SHROOM3: variants seen among roughly 807,000 people sequenced by gnomAD.
The protein encoded by SHROOM3 is protein Shroom3.
In SHROOM3, 47 loss-of-function variants were observed where a neutral mutation model predicts 138.6. That is an observed-to-expected ratio of 0.34 (90% CI 0.27 to 0.43). The LOEUF (loss-of-function observed/expected upper bound fraction) is 0.43, where lower values mean the gene tolerates loss of function less well. SHROOM3 is among the 20% of genes least tolerant of loss of function. The pLI is 1.00. For missense variants in SHROOM3, 2,491 were observed against 2,596.5 expected (o/e 0.96, Z 0.88); for synonymous variants, 1,062 against 1,063.3 (o/e 1.00, Z 0.02).
intron 2 of SHROOM3, among the ~76,000 whole-genome samples, chr4:76,594,093 G>C (rs563134039): frequency 1.3e-5 from 2 of 152,294 alleles, no homozygotes; most frequent in South Asian, 4.1e-4. Context: ...CCATTTAACA[G>C]GTTAAACAAT....
chr4:76,545,748 C>T (rs1385911703), intron 1 of SHROOM3, among the ~76,000 whole-genome samples: 1 of 152,204 alleles, frequency 6.6e-6, no homozygotes, highest in African/African-American at 2.4e-5. Context: ...TTTGTTCATG[C>T]AATCCTTACA....
intron 5 of SHROOM3, among the ~76,000 whole-genome samples, chr4:76,746,104 T>C (rs531265143): frequency 6.6e-6 from 1 of 152,294 alleles, no homozygotes; most frequent in South Asian, 2.1e-4. Flanking sequence ...CCCAAGGTAG[T>C]AGAGTGAGGT....
At chr4:76,637,497 C>A (rs1196581906) in intron 2 of SHROOM3, 1 of 152,188 alleles carries the variant, frequency 6.6e-6, no homozygotes, top group Admixed American at 6.5e-5. Flanking sequence ...CTGAATAATT[C>A]ATGCTCCTTT....
chr4:76,463,554 C>A (rs919868092), intron 1 of SHROOM3, among the ~76,000 whole-genome samples: 3 of 152,088 alleles, frequency 2.0e-5, no homozygotes, highest in Non-Finnish European at 2.9e-5. Flanking sequence ...AAGGAGGAGC[C>A]CAATGTTAAT....
At chr4:76,699,324 C>A (rs758297930) in intron 2 of SHROOM3, among the ~76,000 whole-genome samples, 1 of 152,172 alleles carries the variant, frequency 6.6e-6, no homozygotes, top group Non-Finnish European at 1.5e-5. Context: ...GATGTAGGTA[C>A]GCAGATCATG....
At chr4:76,485,776 A>G (rs1406850503) in intron 1 of SHROOM3, among the ~76,000 whole-genome samples, 1 of 152,158 alleles carries the variant, frequency 6.6e-6, no homozygotes, top group Non-Finnish European at 1.5e-5. Flanking sequence ...TTTATTGCTT[A>G]TGTAGGGTTG....
intron 2 of SHROOM3, among the ~76,000 whole-genome samples, chr4:76,603,107 G>C (rs1734538825): frequency 6.6e-6 from 1 of 152,064 alleles, no homozygotes; most frequent in Admixed American, 6.6e-5. Flanking sequence ...CATGTTCCTG[G>C]AGATAGTTAT....
chr4:76,741,621 C>T lies in SHROOM3; in HGVS notation c.3448C>T (p.Arg1150Cys), dbSNP rs1006523959. ...ACTGCGGGAGCCCAGCCTGCAGCCC[C>T]GCAGGGAGGCCACGCTCCTGCCGGC... is the stretch of plus-strand genomic sequence containing the variant. ...SSLREPSLQP[R>C]REATLLPATV... The change falls in exon 5 of 11, where the codon CGC becomes TGC. Residue 1150 changes from arginine (R) to cysteine (C), a missense_variant. By Grantham distance (180) the Arg-to-Cys change is radical. This residue lies in a region of SHROOM3 where 1,733 missense variants were observed against 1,661.6 expected (regional missense o/e 1.04). Coordinates refer to ENST00000296043, the MANE Select transcript of SHROOM3 (RefSeq NM_020859.4). This position sits in a 1 kb window ranked among gnomAD's most constrained non-coding sequence, Gnocchi z 6.2. 3.2e-6 allele frequency: 5 copies of T among 1,540,996 alleles called. No individual in the cohort carries two copies. Among genetic ancestry groups the T allele is most frequent in the Admixed American group, 1.9e-5 (1 of 51,738 alleles).
In SHROOM3 at chr4:76,740,526, G is replaced by C; in HGVS notation, c.2353G>C (p.Val785Leu). The change falls in exon 5 of 11, where the codon GTC becomes CTC. Residue 785 changes from valine to leucine, a missense_variant. By Grantham distance (32) the Val-to-Leu change is conservative. Around this residue, in one of 4 missense-constraint regions of SHROOM3, gnomAD observed 1,733 missense variants for 1,661.6 expected, o/e 1.04. Transcript: ENST00000296043. This position sits in a 1 kb window ranked among gnomAD's most constrained non-coding sequence, Gnocchi z 4.0. ...GCCCCACTGCTCGGTGCTGGAGAAG[G>C]TCTCCAAATTCGAGCAGCGAGAGCA... is the stretch of plus-strand genomic sequence containing the variant. Reference protein sequence around the residue: ...GKPHCSVLEKVSKFEQREQGS... With the variant: ...GKPHCSVLEKLSKFEQREQGS... The C allele has an allele frequency of 6.2e-7, 1 of 1,614,064 alleles. No individual in the cohort carries two copies. Among genetic ancestry groups the C allele is most frequent in the East Asian group, 2.2e-5 (1 of 44,870 alleles).
chr4:76,584,587 A>G (rs895146829), intron 2 of SHROOM3, among the ~76,000 whole-genome samples: 2 of 152,202 alleles, frequency 1.3e-5, no homozygotes, highest in Non-Finnish European at 2.9e-5. Context: ...TGGCGTTCCC[A>G]TACTAGCCGG....
chr4:76,674,783 G>A (rs1718983261), intron 2 of SHROOM3, among the ~76,000 whole-genome samples: 1 of 151,856 alleles, frequency 6.6e-6, no homozygotes, highest in South Asian at 2.1e-4. Flanking sequence ...TTGAACTTCT[G>A]GGCTCAAGTG....
chr4:76,715,760 C>T (rs777088151), intron 3 of SHROOM3, among the ~76,000 whole-genome samples: 44 of 152,152 alleles, frequency 2.9e-4, no homozygotes, highest in Admixed American at 2.6e-3. Context: ...GTTAGTTCTG[C>T]GGTGCTGTCC....
intron 1 of SHROOM3, among the ~76,000 whole-genome samples, chr4:76,503,167 CCACACA>C (rs111393161): frequency 1.4e-5 from 2 of 145,934 alleles, no homozygotes; most frequent in East Asian, 2.0e-4. Flanking sequence ...TTGTCAACTT[CCACACA>C]CACACACACA....
intron 5 of SHROOM3, among the ~76,000 whole-genome samples, chr4:76,747,777 A>ATG (rs2110139180): frequency 1.3e-5 from 2 of 152,292 alleles, no homozygotes; most frequent in South Asian, 4.1e-4. Flanking sequence ...AGTGAATCAG[A>ATG]ACACATGGAA....
chr4:76,620,189 G>A (rs1306456970), intron 2 of SHROOM3, among the ~76,000 whole-genome samples: 1 of 151,966 alleles, frequency 6.6e-6, no homozygotes, highest in Non-Finnish European at 1.5e-5. Context: ...GTTGTTAGTA[G>A]AAATGGGCAA....
intron 2 of SHROOM3, among the ~76,000 whole-genome samples, chr4:76,596,523 A>G (rs1734387900): frequency 6.6e-6 from 1 of 151,820 alleles, no homozygotes; most frequent in Non-Finnish European, 1.5e-5. Context: ...ACATATCCCC[A>G]TCATTCAGCA....
chr4:76,714,814 T>G (rs1720326042), intron 3 of SHROOM3, among the ~76,000 whole-genome samples: 1 of 152,262 alleles, frequency 6.6e-6, no homozygotes, highest in Non-Finnish European at 1.5e-5. Context: ...CATTATTCAT[T>G]CATGTCAGTA....
At chr4:76,508,028 C>T (rs114744942) in intron 1 of SHROOM3, among the ~76,000 whole-genome samples, 2,162 of 152,198 alleles carry the variant, frequency 0.014, 29 homozygotes, top group Non-Finnish European at 0.023. Context: ...TTTGTATTCT[C>T]TTTATGTTGT....
At chr4:76,572,293 G>GAGTGAGTTCCCAATGGTGT (rs1385038851) in intron 2 of SHROOM3, among the ~76,000 whole-genome samples, 5 of 152,170 alleles carry the variant, frequency 3.3e-5, no homozygotes, top group Non-Finnish European at 5.9e-5. Flanking sequence ...TACCCTAAAG[G>GAGTGAGTTCCCAATGGTGT]AGTGAGTTCC....
Sources: allele counts gnomAD v4.1 joint callset (sites outside exome capture counted in the v4.1 genomes callset), GRCh38; gene constraint gnomAD v4.1.1; regional missense constraint gnomAD v4.1.1; non-coding constraint Gnocchi (gnomAD v3.1); transcripts MANE v1.5; gene names NCBI Gene and HGNC (gene_info 2026-07-23, HGNC 2026-07-21).